Variants in C14orf180 observed in about 807,000 individuals in gnomAD.
The protein encoded by C14orf180 is chromosome 14 open reading frame 180.
A neutral mutation model predicts 13.9 loss-of-function variants in C14orf180; 13 were observed. The ratio of observed to expected loss-of-function variants is 0.94; its 90% CI spans 0.61 to 1.49. The LOEUF (loss-of-function observed/expected upper bound fraction) is 1.49, where lower values mean the gene tolerates loss of function less well. C14orf180 is among the 40% of genes most tolerant of loss of function. The probability of loss-of-function intolerance (pLI) is 0.00; values close to 1 mark genes in which losing one functional copy is unlikely to be tolerated. For missense variants in C14orf180, 238 were observed against 232.0 expected (o/e 1.03, Z -0.17); for synonymous variants, 113 against 106.3 (o/e 1.06, Z -0.39).
chr14:104,590,165 G>A lies in C14orf180; in HGVS notation c.*1382G>A, dbSNP rs1886796131. 3 of 152,250 alleles carry A rather than the reference G, an allele frequency of 2.0e-5. No individual in the cohort carries two copies. The highest frequency in any genetic ancestry group is 7.2e-5 in the African/African-American group (3 of 41,454). The allele number at this position is 152,250 out of a possible 1,614,324, so 9.4% of individuals were successfully genotyped here. A position where few individuals can be genotyped will look rare whatever the true frequency, so the allele number is the denominator to read the frequency against. ...GCGGGTGGAGGTAACAAAAGGGGCT[G>A]TTTCCAGAAGTGGCCCAGAAGGGAC... is the stretch of plus-strand genomic sequence containing the variant. On this transcript the variant is annotated 3_prime_UTR_variant, in exon 5 of 5. Transcript: ENST00000557649.
intron 4 of C14orf180, 113 bp downstream of exon 4, chr14:104,588,422 GT>G: frequency 6.6e-7 from 1 of 1,525,336 alleles, no homozygotes; most frequent in Non-Finnish European, 9.1e-7. Context: ...GGAGTCCCCA[GT>G]TGGGGAGCTC....
At chr14:104,585,684 GAC>G (rs904451036) in intron 1 of C14orf180, among the ~76,000 whole-genome samples, 1 of 121,768 alleles carries the variant, frequency 8.2e-6, no homozygotes, top group Non-Finnish European at 1.5e-5. Context: ...GGGAGATAGA[GAC>G]AGAATTAGAG....
intron 3 of C14orf180, 133 bp downstream of exon 3, chr14:104,588,011 C>A: frequency 1.7e-6 from 2 of 1,199,432 alleles, no homozygotes; most frequent in Non-Finnish European, 1.2e-6. Flanking sequence ...GCCTTCAGTG[C>A]CACAACCCCT....
intron 1 of C14orf180, among the ~76,000 whole-genome samples, chr14:104,583,122 G>C (rs1226765118): frequency 6.6e-6 from 1 of 152,204 alleles, no homozygotes; most frequent in South Asian, 2.1e-4. Context: ...CATGGCCCAC[G>C]TGAAGGTGCA....
At chr14:104,581,559 C>T (rs1308007758) in intron 1 of C14orf180, 7 of 152,186 alleles carry the variant, frequency 4.6e-5, no homozygotes, top group Non-Finnish European at 8.8e-5. Context: ...AGGCTGTGAC[C>T]GCCAGTGGAT....
chr14:104,585,395 T>C (rs1300650741), intron 1 of C14orf180, among the ~76,000 whole-genome samples: 1 of 152,224 alleles, frequency 6.6e-6, no homozygotes, highest in African/African-American at 2.4e-5. Flanking sequence ...CCTGCACAGA[T>C]GCCTGGTAGG....
chr14:104,587,680 T>A (rs949659391), intron 2 of C14orf180, 69 bp from the exon 3 acceptor site: 2 of 1,549,278 alleles, frequency 1.3e-6, no homozygotes, highest in African/African-American at 1.4e-5. Context: ...GGGCCCCACA[T>A]GGCTCAGACC....
intron 1 of C14orf180, among the ~76,000 whole-genome samples, chr14:104,580,718 A>G (rs1886404758): frequency 6.9e-6 from 1 of 144,128 alleles, no homozygotes; most frequent in African/African-American, 2.8e-5. Flanking sequence ...TGGCCATGGG[A>G]CCCCCACCCA....
At chr14:104,584,397 C>G (rs1020929413) in intron 1 of C14orf180, among the ~76,000 whole-genome samples, 7 of 152,290 alleles carry the variant, frequency 4.6e-5, no homozygotes, top group Admixed American at 2.0e-4. Context: ...TGCTCCACCC[C>G]CAACCCCACC....
rs188260831 is a variant in C14orf180 at position 104,580,844 on chromosome 14, T to C, written c.-17+841T>C. ...AAGGGCCTGGGGGGGTCCCCCGCCC[T>C]GTCTGTCTGGAGCTCTCGAGGCCTA... On this transcript the variant is annotated intron_variant, in intron 1 of 4. Coordinates refer to ENST00000557649, the MANE Select transcript of C14orf180 (RefSeq NM_001008404.3). Among the ~76,000 whole-genome samples the C allele has an allele frequency of 4.6e-3, 707 of 152,322 alleles. 7 individuals carry two copies. Among genetic ancestry groups the C allele is most frequent in the African/African-American group, 0.016 (672 of 41,586 alleles).
chr14:104,583,739 AAC>A (rs1182502061), intron 1 of C14orf180, among the ~76,000 whole-genome samples: 1 of 151,974 alleles, frequency 6.6e-6, no homozygotes, highest in Non-Finnish European at 1.5e-5. Context: ...CACCCTCACA[AAC>A]ACACTGCCTA....
chr14:104,582,088 C>A (rs1456875806), intron 1 of C14orf180, among the ~76,000 whole-genome samples: 1 of 152,186 alleles, frequency 6.6e-6, no homozygotes, highest in African/African-American at 2.4e-5. Flanking sequence ...GGGGGCACTG[C>A]CCGCCCCGAG....
Position 104,588,928 on chromosome 14 carries a change from G to A in C14orf180, c.*145G>A. 2.8e-6 allele frequency: 4 copies of A among 1,435,988 alleles called. No homozygotes were observed. The highest frequency in any genetic ancestry group is 2.9e-5 in the South Asian group (2 of 68,258). 89.0% of individuals were successfully genotyped at this position (1,435,988 alleles called of 1,614,324 possible). A position where few individuals can be genotyped will look rare whatever the true frequency, so the allele number is the denominator to read the frequency against. On this transcript the variant is annotated 3_prime_UTR_variant, in exon 5 of 5. Transcript: ENST00000557649. The stretch of plus-strand genomic sequence containing the variant: ...TGCCTGAGGGCTAACTAGGAAAAGG[G>A]GGACCCCGTGGCGTGAGATCGGACA...
chr14:104,583,857 CAT>C (rs1384825225), intron 1 of C14orf180, among the ~76,000 whole-genome samples: 3 of 152,112 alleles, frequency 2.0e-5, no homozygotes, highest in Non-Finnish European at 2.9e-5. Context: ...CACACACACA[CAT>C]GCATATTCAC....
intron 1 of C14orf180, among the ~76,000 whole-genome samples, chr14:104,584,139 C>A (rs1886532858): frequency 6.6e-6 from 1 of 152,240 alleles, no homozygotes; most frequent in Admixed American, 6.5e-5. Context: ...GAGACTGCGT[C>A]CAGCCCTGCA....
At chr14:104,580,478 C>A (rs1886399019) in intron 1 of C14orf180, among the ~76,000 whole-genome samples, 1 of 152,238 alleles carries the variant, frequency 6.6e-6, no homozygotes, top group South Asian at 2.1e-4. Context: ...GGAGAAGGGG[C>A]TGCACTCTCA....
chr14:104,589,094 C>T lies in C14orf180; in HGVS notation c.*311C>T. On this transcript the variant is annotated 3_prime_UTR_variant, in exon 5 of 5. Transcript: ENST00000557649. The surrounding 1 kb of genome is among the most constrained non-coding windows in gnomAD (Gnocchi z 4.9). The stretch of plus-strand genomic sequence containing the variant: ...CCCCAGGCTCACCCAAAGACCCCTC[C>T]CTCGTCCCAGCAGGAACTCCTGCTG... 1 of 521,484 alleles carries T rather than the reference C, an allele frequency of 1.9e-6. No homozygotes were observed. The highest frequency in any genetic ancestry group is 3.3e-6 in the Non-Finnish European group (1 of 305,814). 32.3% of individuals were successfully genotyped at this position (521,484 alleles called of 1,614,324 possible).
chr14:104,586,616 G>A (rs1191399299), intron 2 of C14orf180, 75 bp downstream of exon 2: 2 of 834,778 alleles, frequency 2.4e-6, no homozygotes, highest in Middle Eastern at 4.0e-4. Context: ...GGGAGCAACA[G>A]ACGTGGAAAG....
chr14:104,584,997 A>G (rs1376598311), intron 1 of C14orf180, among the ~76,000 whole-genome samples: 1 of 152,174 alleles, frequency 6.6e-6, no homozygotes, highest in Admixed American at 6.5e-5. Context: ...TGAACCTCTG[A>G]GGCACCCATC....
Sources: allele counts gnomAD v4.1 joint callset (sites outside exome capture counted in the v4.1 genomes callset), GRCh38; gene constraint gnomAD v4.1.1; non-coding constraint Gnocchi (gnomAD v3.1); transcripts MANE v1.5; gene names NCBI Gene and HGNC (gene_info 2026-07-23, HGNC 2026-07-21).